The following EPHA3 variants were observed in gnomAD, a reference collection of about 807,000 sequenced individuals.
EPHA3 encodes EPH receptor A3.
Under a neutral mutation model 107.1 loss-of-function variants are expected in EPHA3, and 42 were observed. The observed-to-expected ratio is 0.39, with a 90% CI of 0.31 to 0.51. The LOEUF (loss-of-function observed/expected upper bound fraction) is 0.51, where lower values mean the gene tolerates loss of function less well. Among genes scored for constraint, EPHA3 ranks in the 20% least tolerant of loss-of-function variants. EPHA3 has a pLI of 0.78. For synonymous variants in EPHA3, 461 were observed against 424.8 expected, an observed-to-expected ratio of 1.09 and a Z score of -1.05; for missense variants, 1,183 against 1,211.2, an observed-to-expected ratio of 0.98 and a Z score of 0.35.
chr3:89,353,793 G>A (rs965628370), intron 5 of EPHA3, among the ~76,000 whole-genome samples: 1 of 151,236 alleles, frequency 6.6e-6, no homozygotes, highest in African/African-American at 2.4e-5. Flanking sequence ...CCTTATATGA[G>A]CTTAGAGGCC....
intron 3 of EPHA3, among the ~76,000 whole-genome samples, chr3:89,317,522 C>A (rs1054830412): frequency 3.3e-5 from 5 of 151,774 alleles, no homozygotes; most frequent in African/African-American, 1.2e-4. Flanking sequence ...TAAGGCCAGT[C>A]TTAATCTCTA....
chr3:89,189,076 T>A (rs1705641472), intron 2 of EPHA3, among the ~76,000 whole-genome samples: 1 of 152,210 alleles, frequency 6.6e-6, no homozygotes, highest in African/African-American at 2.4e-5. Flanking sequence ...GTTAAATGGA[T>A]TCCAGTTTAT....
intron 3 of EPHA3, among the ~76,000 whole-genome samples, chr3:89,308,935 T>C (rs1576303135): frequency 6.6e-6 from 1 of 152,156 alleles, no homozygotes; most frequent in Admixed American, 6.6e-5. Context: ...CCATTATGAT[T>C]GATCACTTCT....
rs147245447 is a variant in EPHA3 at position 89,355,514 on chromosome 3, A to G, written c.1306+13424A>G. Among the ~76,000 whole-genome samples, 10 of 151,388 alleles carry G rather than the reference A, an allele frequency of 6.6e-5. No homozygotes were observed. In the Admixed American group the frequency reaches 6.6e-4, roughly 10 times the overall value. ...GTAAATTCAGGTACTGTCACTTAAT[A>G]ATGAAGTGACTATTTTTTGTATTTT... On this transcript the variant is annotated intron_variant, in intron 5 of 16. Transcript: ENST00000336596.
At chr3:89,259,694 C>T (rs1361429027) in intron 3 of EPHA3, among the ~76,000 whole-genome samples, 2 of 152,158 alleles carry the variant, frequency 1.3e-5, no homozygotes, top group African/African-American at 4.8e-5. Context: ...CAGAAGCTAA[C>T]ATCTACTTAT....
rs143771403 is a variant in EPHA3, at chr3:89,155,756, G to C, written c.153+28483G>C. 9.5e-4 allele frequency among the ~76,000 whole-genome samples: 144 copies of C among 152,142 alleles called. No individual in the cohort carries two copies. The South Asian group carries it at 0.013, about 14-fold the overall frequency. The stretch of plus-strand genomic sequence containing the variant: ...CATATACCAGTTTGTGGAGGATTGA[G>C]TTCCCTTGAGAGAGTGAAAATATGG... On this transcript the variant is annotated intron_variant, in intron 2 of 16. Coordinates refer to ENST00000336596, the MANE Select transcript of EPHA3 (RefSeq NM_005233.6).
chr3:89,460,817 GTCTC>G (rs1012668136), intron 15 of EPHA3, among the ~76,000 whole-genome samples: 2 of 122,612 alleles, frequency 1.6e-5, no homozygotes, highest in East Asian at 2.1e-4. Context: ...TGATCTCTCT[GTCTC>G]TCTTTTTTTT....
chr3:89,420,054 A>T (rs994752129), intron 11 of EPHA3, among the ~76,000 whole-genome samples: 1 of 151,374 alleles, frequency 6.6e-6, no homozygotes, highest in Non-Finnish European at 1.5e-5. Flanking sequence ...GGATCCTGTG[A>T]GGCGGATCTG....
At chr3:89,292,228 G>T (rs1339289152) in intron 3 of EPHA3, among the ~76,000 whole-genome samples, 1 of 151,976 alleles carries the variant, frequency 6.6e-6, no homozygotes, top group Non-Finnish European at 1.5e-5. Context: ...AATCAAAAAA[G>T]ATTTTTAAAA....
At chr3:89,439,316 C>T (rs1709735838) in intron 13 of EPHA3, among the ~76,000 whole-genome samples, 1 of 152,020 alleles carries the variant, frequency 6.6e-6, no homozygotes. Flanking sequence ...TCCTCTTTTT[C>T]TATTGGTGAT....
chr3:89,467,898 GT>G (rs1261842832), intron 15 of EPHA3, among the ~76,000 whole-genome samples: 4 of 152,174 alleles, frequency 2.6e-5, no homozygotes, highest in African/African-American at 9.7e-5. Context: ...GTAGGACATC[GT>G]TTACAGCTGC....
intron 3 of EPHA3, among the ~76,000 whole-genome samples, chr3:89,284,989 G>A (rs1029640779): frequency 2.6e-4 from 40 of 152,146 alleles, no homozygotes; most frequent in Non-Finnish European, 2.1e-4. Flanking sequence ...AGCTGGGCAC[G>A]GTGGTGGGAG....
At chr3:89,122,012 C>T (rs964204084) in intron 1 of EPHA3, among the ~76,000 whole-genome samples, 4 of 151,548 alleles carry the variant, frequency 2.6e-5, no homozygotes, top group South Asian at 2.1e-4. Flanking sequence ...TATGTTTGAC[C>T]GGAGAACTAC....
chr3:89,446,592 C>T (rs1468389605), intron 13 of EPHA3, among the ~76,000 whole-genome samples: 1 of 151,992 alleles, frequency 6.6e-6, no homozygotes, highest in East Asian at 1.9e-4. Context: ...TTTCTTATGA[C>T]TCTATTTTAA....
At chr3:89,320,590 C>T (rs999574038) in intron 3 of EPHA3, among the ~76,000 whole-genome samples, 1 of 123,878 alleles carries the variant, frequency 8.1e-6, no homozygotes, top group African/African-American at 3.2e-5. Context: ...ATGAAACAAT[C>T]CCATGGACTT....
intron 2 of EPHA3, among the ~76,000 whole-genome samples, chr3:89,138,779 G>C (rs536955873): frequency 2.0e-5 from 3 of 151,826 alleles, no homozygotes; most frequent in Admixed American, 6.6e-5. Flanking sequence ...ATTTTGTTAA[G>C]ACTCCAGGAA....
chr3:89,402,144 TTGTAA>T (rs1171929712), intron 7 of EPHA3, among the ~76,000 whole-genome samples: 10 of 152,186 alleles, frequency 6.6e-5, no homozygotes, highest in African/African-American at 2.2e-4. Flanking sequence ...TATTTTAAAA[TTGTAA>T]TGTAATTCCA....
rs767429462 is a variant in EPHA3, at chr3:89,472,556, G to T, written c.2783G>T (p.Cys928Phe). Reference protein sequence around the residue: ...DWLNGVWTAHCKEIFTGVEYS... With the variant: ...DWLNGVWTAHFKEIFTGVEYS... The stretch of plus-strand genomic sequence containing the variant: ...CTTAATGGTGTCTGGACAGCACACT[G>T]CAAGGAAATCTTCACGGGTGTGGAG... Residue 928 changes from cysteine (C) to phenylalanine (F), a missense_variant, in exon 16 of 17, where the codon TGC (cysteine) becomes TTC (phenylalanine). Transcript: ENST00000336596. 8.1e-6 allele frequency: 13 copies of T among 1,614,064 alleles called. No homozygotes were observed. Among genetic ancestry groups the T allele is most frequent in the Non-Finnish European group, 1.1e-5 (13 of 1,180,002 alleles).
chr3:89,182,838 C>T (rs142765946), intron 2 of EPHA3, among the ~76,000 whole-genome samples: 84 of 151,906 alleles, frequency 5.5e-4, no homozygotes, highest in South Asian at 1.7e-3. Flanking sequence ...AATCAAAACT[C>T]CCTCTAAGTA....
Sources: gnomAD v4.1 joint callset for allele counts (sites outside exome capture counted in the v4.1 genomes callset) on GRCh38, gnomAD v4.1.1 for gene constraint, MANE v1.5 for transcripts, NCBI Gene and HGNC (gene_info 2026-07-23, HGNC 2026-07-21) for gene names.